Variants in FGGY observed in about 807,000 individuals in gnomAD.
FGGY encodes FGGY carbohydrate kinase domain containing, also known as FGGY carbohydrate kinase domain-containing protein.
Under a neutral mutation model 71.3 loss-of-function variants are expected in FGGY, and 72 were observed. That is an observed-to-expected ratio of 1.01 (90% confidence interval 0.84 to 1.23). The LOEUF (loss-of-function observed/expected upper bound fraction) is 1.23, where lower values mean the gene tolerates loss of function less well. FGGY is among the 50% of genes most tolerant of loss of function. The pLI is 0.00. For missense variants in FGGY, 668 were observed against 682.3 expected, an observed-to-expected ratio of 0.98 and a Z score of 0.23; for synonymous variants, 251 against 250.3, an observed-to-expected ratio of 1.00 and a Z score of -0.02.
chr1:59,643,898 C>T (rs998418237), intron 11 of FGGY, among the ~76,000 whole-genome samples: 2 of 152,204 alleles, frequency 1.3e-5, no homozygotes, highest in African/African-American at 4.8e-5. Context: ...CCCAAAGTCA[C>T]AAAGCCAAGA....
At chr1:59,354,349 G>A (rs1332855083) in intron 4 of FGGY, among the ~76,000 whole-genome samples, 4 of 152,170 alleles carry the variant, frequency 2.6e-5, no homozygotes, top group Admixed American at 2.6e-4. Flanking sequence ...AGAGTGCTGG[G>A]ATTACAGGTG....
At chr1:59,514,052 A>C (rs1356114151) in intron 7 of FGGY, among the ~76,000 whole-genome samples, 7 of 152,204 alleles carry the variant, frequency 4.6e-5, no homozygotes, top group Non-Finnish European at 8.8e-5. Flanking sequence ...AATACTTTTC[A>C]GTGTGAGCAA....
At chr1:59,427,363 G>GATC (rs930685618) in intron 5 of FGGY, among the ~76,000 whole-genome samples, 5 of 152,200 alleles carry the variant, frequency 3.3e-5, no homozygotes, top group Non-Finnish European at 7.3e-5. Flanking sequence ...GGTGGTGACT[G>GATC]ATCTCTTGGT....
At chr1:59,573,611 A>G (rs548121443) in intron 8 of FGGY, among the ~76,000 whole-genome samples, 43 of 152,310 alleles carry the variant, frequency 2.8e-4, no homozygotes, top group African/African-American at 1.0e-3. Flanking sequence ...TAAGTGTTAA[A>G]TCATTTGTAA....
intron 14 of FGGY, chr1:59,697,676 C>A (rs192676343): frequency 1.5e-6 from 2 of 1,303,632 alleles, no homozygotes; most frequent in Non-Finnish European, 2.0e-6. Flanking sequence ...CAGTTGTGGA[C>A]GATAGCAGCA....
chr1:59,666,011 T>C (rs2097322162), intron 12 of FGGY, among the ~76,000 whole-genome samples: 1 of 152,146 alleles, frequency 6.6e-6, no homozygotes, highest in African/African-American at 2.4e-5. Flanking sequence ...CTCCGATTCT[T>C]CTTGCCCTCA....
At chr1:59,638,158 T>C (rs2096980603) in intron 10 of FGGY, 70 bp from the exon 11 acceptor site, 2 of 1,484,956 alleles carry the variant, frequency 1.3e-6, no homozygotes, top group Non-Finnish European at 1.8e-6. Flanking sequence ...TACAAATGGT[T>C]TCTTTCTATA....
intron 5 of FGGY, among the ~76,000 whole-genome samples, chr1:59,406,390 G>A (rs1373623479): frequency 3.9e-5 from 6 of 151,918 alleles, no homozygotes; most frequent in African/African-American, 9.7e-5. Flanking sequence ...TTTTGTTGGC[G>A]ATTTCACCAT....
chr1:59,500,447 C>G (rs555288984), intron 6 of FGGY, among the ~76,000 whole-genome samples: 2 of 152,092 alleles, frequency 1.3e-5, no homozygotes, highest in South Asian at 4.2e-4. Context: ...AGCAAGCACC[C>G]AATACATATT....
chr1:59,517,434 T>G (rs2094694458), intron 7 of FGGY, among the ~76,000 whole-genome samples: 1 of 151,470 alleles, frequency 6.6e-6, no homozygotes, highest in Non-Finnish European at 1.5e-5. Context: ...CCCGGCTAAT[T>G]TTTTGTATTT....
chr1:59,667,183 G>A, intron 12 of FGGY, 100 bp from the exon 13 acceptor site: 1 of 1,420,222 alleles, frequency 7.0e-7, no homozygotes. Flanking sequence ...TGTATGTAGA[G>A]CTTAGTACAG....
intron 4 of FGGY, among the ~76,000 whole-genome samples, chr1:59,348,120 A>T (rs1463126323): frequency 6.6e-6 from 1 of 152,140 alleles, no homozygotes; most frequent in Non-Finnish European, 1.5e-5. Flanking sequence ...GAAAAAAACA[A>T]CCCCATCAAC....
intron 5 of FGGY, among the ~76,000 whole-genome samples, chr1:59,454,774 C>T (rs1437578914): frequency 6.6e-6 from 1 of 152,100 alleles, no homozygotes. Flanking sequence ...TTTCTGTCTC[C>T]CCAATTAAAC....
intron 11 of FGGY, among the ~76,000 whole-genome samples, chr1:59,648,987 C>G (rs984043763): frequency 6.6e-6 from 1 of 151,478 alleles, no homozygotes; most frequent in African/African-American, 2.4e-5. Flanking sequence ...GTTTTCCCAG[C>G]ACCATTTATT....
intron 7 of FGGY, among the ~76,000 whole-genome samples, chr1:59,513,384 C>T (rs1307290726): frequency 6.6e-6 from 1 of 152,184 alleles, no homozygotes; most frequent in African/African-American, 2.4e-5. Context: ...CAGACACTTC[C>T]ATACTCTGCC....
At chr1:59,517,784 TGC>T (rs1403935807) in intron 7 of FGGY, among the ~76,000 whole-genome samples, 2 of 109,016 alleles carry the variant, frequency 1.8e-5, no homozygotes, top group Non-Finnish European at 5.0e-5. Context: ...CCTTAACACA[TGC>T]GTATTTAGTG....
chr1:59,694,687 T>C (rs2097640145), intron 14 of FGGY, among the ~76,000 whole-genome samples: 1 of 144,668 alleles, frequency 6.9e-6, no homozygotes, highest in African/African-American at 2.6e-5. Flanking sequence ...GATAACTAGG[T>C]GTCTTTTTTT....
intron 6 of FGGY, among the ~76,000 whole-genome samples, chr1:59,481,555 G>A (rs1433232833): frequency 6.6e-6 from 1 of 152,102 alleles, no homozygotes; most frequent in Non-Finnish European, 1.5e-5. Context: ...AAAAAACGTG[G>A]AAACCAAGAA....
At chr1:59,532,958 C>A (rs770977066) in intron 7 of FGGY, among the ~76,000 whole-genome samples, 6 of 152,176 alleles carry the variant, frequency 3.9e-5, no homozygotes, top group African/African-American at 1.4e-4. Context: ...TTTTATTTCT[C>A]TAATCCAGAG....
Sources: gnomAD v4.1 joint callset for allele counts (sites outside exome capture counted in the v4.1 genomes callset) on GRCh38, gnomAD v4.1.1 for gene constraint, MANE v1.5 for transcripts, NCBI Gene and HGNC (gene_info 2026-07-23, HGNC 2026-07-21) for gene names.